Variants in NCAPD3 observed in about 807,000 individuals in gnomAD.
NCAPD3 encodes non-SMC condensin II complex subunit D3, also known as condensin-2 complex subunit D3.
In NCAPD3, 105 loss-of-function variants were observed where a neutral mutation model predicts 182.9. The observed-to-expected ratio is 0.57, with a 90% CI of 0.49 to 0.68. The LOEUF (loss-of-function observed/expected upper bound fraction) is 0.68, where lower values mean the gene tolerates loss of function less well. Among genes scored for constraint, NCAPD3 ranks in the 30% least tolerant of loss-of-function variants. The probability of loss-of-function intolerance (pLI) is 0.00; values close to 1 mark genes in which losing one functional copy is unlikely to be tolerated. For missense variants in NCAPD3, 1,944 were observed against 1,837.0 expected (o/e 1.06, Z -1.07); for synonymous variants, 815 against 679.9 (o/e 1.20, Z -3.09).
intron 30 of NCAPD3, 31 bp from the exon 31 acceptor site, chr11:134,158,098 C>T (rs746308062): frequency 6.8e-6 from 11 of 1,608,002 alleles, no homozygotes; most frequent in Non-Finnish European, 5.1e-6. Flanking sequence ...CGCTGACTTT[C>T]TCACTGCAGA....
chr11:134,161,202 CATTT>C (rs911907203), intron 28 of NCAPD3, among the ~76,000 whole-genome samples: 3 of 152,070 alleles, frequency 2.0e-5, no homozygotes, highest in Non-Finnish European at 4.4e-5. Context: ...AACTATGTTG[CATTT>C]ATTTCTTAGT....
chr11:134,171,832 C>A (rs551527892), intron 24 of NCAPD3, among the ~76,000 whole-genome samples: 1 of 152,250 alleles, frequency 6.6e-6, no homozygotes, highest in Admixed American at 6.5e-5. Context: ...CCAAACACAG[C>A]AGTTCTCTCT....
chr11:134,198,546 C>G (rs1321613418), intron 13 of NCAPD3, among the ~76,000 whole-genome samples: 1 of 152,216 alleles, frequency 6.6e-6, no homozygotes, highest in Admixed American at 6.5e-5. Flanking sequence ...GCCATGGTCA[C>G]TCACATTTGG....
intron 16 of NCAPD3, among the ~76,000 whole-genome samples, chr11:134,189,318 T>C (rs1265733585): frequency 6.6e-6 from 1 of 152,234 alleles, no homozygotes; most frequent in Non-Finnish European, 1.5e-5. Context: ...ATTTTAGCAT[T>C]TCTTTTCCTC....
At position 134,158,509 on chromosome 11, in the gene NCAPD3, T is replaced by C; in HGVS notation, c.3868-14A>G. The C allele has an allele frequency of 2.5e-6, 4 of 1,610,836 alleles. No homozygotes were observed. The highest frequency in any genetic ancestry group is 3.4e-6 in the Non-Finnish European group (4 of 1,178,880). On this transcript the variant is annotated splice_polypyrimidine_tract_variant and intron_variant, in intron 29 of 34. Transcript: ENST00000534548. Reference sequence around the variant, plus strand: ...ACACAGGGCAACCTGGTAGAGAAGATAAAGAGTATGTACATTCTAATACTT... The same window carrying C: ...ACACAGGGCAACCTGGTAGAGAAGACAAAGAGTATGTACATTCTAATACTT...
At position 134,151,215 on chromosome 11, in the gene NCAPD3, CTG is replaced by C. The variant is rs1232425284; in HGVS notation, c.*1727_*1728del. 5 of 152,208 alleles carry C rather than the reference CTG, an allele frequency of 3.3e-5. No individual in the cohort carries two copies. Among genetic ancestry groups the C allele is most frequent in the Admixed American group, 2.0e-4 (3 of 15,286 alleles). 9.4% of individuals were successfully genotyped at this position (152,208 alleles called of 1,614,324 possible). On this transcript the variant is annotated 3_prime_UTR_variant, in exon 35 of 35. Coordinates refer to ENST00000534548, the MANE Select transcript of NCAPD3 (RefSeq NM_015261.3). The stretch of plus-strand genomic sequence containing the variant: ...CTTTTTTTTAATTGCATACATGAGA[CTG>C]TGTTGACTTTTTTTAGTTATGTGAA...
rs965818963 is a variant in NCAPD3 at position 134,223,959 on chromosome 11, T to G, written c.-33A>C. The G allele has an allele frequency of 6.2e-7, 1 of 1,607,480 alleles. No homozygotes were observed. The highest frequency in any genetic ancestry group is 1.7e-5 in the Admixed American group (1 of 59,422). On this transcript the variant is annotated 5_prime_UTR_variant, in exon 1 of 35. Transcript: ENST00000534548. ...GGGCACCGGCTCGCCGCCGCCGTGC[T>G]CAACTTTCAAAGCTCGCTCCCGCGC...
intron 8 of NCAPD3, 31 bp downstream of exon 8, chr11:134,206,568 A>G (rs910522513): frequency 1.2e-6 from 2 of 1,611,882 alleles, no homozygotes; most frequent in Non-Finnish European, 8.5e-7. Context: ...GGAGACTGAC[A>G]GGGTGAAAAT....
intron 32 of NCAPD3, chr11:134,156,753 T>A (rs1254795856): frequency 6.3e-6 from 2 of 316,368 alleles, no homozygotes; most frequent in Non-Finnish European, 1.2e-5. Flanking sequence ...CCAACCTACC[T>A]GTGCCTCAAC....
chr11:134,174,382 C>CAAAAA (rs34533048), intron 24 of NCAPD3, among the ~76,000 whole-genome samples: 12 of 53,598 alleles, frequency 2.2e-4, no homozygotes, highest in African/African-American at 3.3e-4. Context: ...GACCCTGTCT[C>CAAAAA]AAAAAAAAAA....
At chr11:134,162,790 C>A (rs1226966537) in intron 27 of NCAPD3, among the ~76,000 whole-genome samples, 1 of 152,228 alleles carries the variant, frequency 6.6e-6, no homozygotes, top group Non-Finnish European at 1.5e-5. Context: ...AAAGAGCTAA[C>A]CCTCTGAGGA....
upstream of NCAPD3, chr11:134,225,341 G>C: frequency 6.2e-7 from 1 of 1,613,692 alleles, no homozygotes; most frequent in Non-Finnish European, 8.5e-7. Flanking sequence ...TCATCGGGCA[G>C]ATCGGTGAGT....
chr11:134,167,618 T>C (rs1303088522), intron 27 of NCAPD3, among the ~76,000 whole-genome samples: 1 of 69,650 alleles, frequency 1.4e-5, no homozygotes, highest in African/African-American at 6.3e-5. Flanking sequence ...GAGATGAGCT[T>C]GGGGGAGGGG....
chr11:134,165,337 G>A lies in NCAPD3; in HGVS notation c.3573+2659C>T, dbSNP rs138504939. 4.1e-3 allele frequency among the ~76,000 whole-genome samples: 615 copies of A among 151,830 alleles called. 1 individual carries two copies. Among genetic ancestry groups the A allele is most frequent in the Admixed American group, 7.4e-3 (113 of 15,258 alleles). On this transcript the variant is annotated intron_variant, in intron 27 of 34. Transcript: ENST00000534548. ...CACTTGTGACATGAGCTTAAGTGGA[G>A]GGGCACACTCATGAGCTTGGGAAGG...
chr11:134,167,364 A>G (rs1189196265), intron 27 of NCAPD3, among the ~76,000 whole-genome samples: 7 of 53,486 alleles, frequency 1.3e-4, no homozygotes, highest in South Asian at 9.2e-4. Context: ...AGCTTGGGGG[A>G]GGCGCACACT....
chr11:134,185,011 G>A lies in NCAPD3; in HGVS notation c.2238-11C>T, dbSNP rs764155163. On this transcript the variant is annotated splice_polypyrimidine_tract_variant and intron_variant, in intron 17 of 34. Transcript: ENST00000534548. ...TTGGGATTCTGCTGACTAGAGAAAG[G>A]GCAGGAGGAATATGAAGGGAGAAGC... 1.9e-6 allele frequency: 3 copies of A among 1,587,718 alleles called. No homozygotes were observed. Among genetic ancestry groups the A allele is most frequent in the Non-Finnish European group, 1.7e-6 (2 of 1,156,082 alleles).
At chr11:134,199,840 C>A (rs1270224942) in intron 13 of NCAPD3, among the ~76,000 whole-genome samples, 1 of 152,154 alleles carries the variant, frequency 6.6e-6, no homozygotes, top group Admixed American at 6.5e-5. Flanking sequence ...CGCTAGAACG[C>A]AACGGCAATC....
chr11:134,196,920 T>C (rs1016941519), intron 13 of NCAPD3, among the ~76,000 whole-genome samples: 3 of 152,188 alleles, frequency 2.0e-5, no homozygotes, highest in African/African-American at 7.2e-5. Flanking sequence ...GTTTGAGTAT[T>C]TGTCCCCACC....
upstream of NCAPD3, chr11:134,224,475 C>T (rs1184292253): frequency 6.5e-6 from 1 of 154,228 alleles, no homozygotes; most frequent in African/African-American, 2.4e-5. Flanking sequence ...CTGCGCGGCA[C>T]GCGTGGGCCC....
Sources: allele counts gnomAD v4.1 joint callset (sites outside exome capture counted in the v4.1 genomes callset), GRCh38; gene constraint gnomAD v4.1.1; transcripts MANE v1.5; gene names NCBI Gene and HGNC (gene_info 2026-07-23, HGNC 2026-07-21).